CASTOR2: variants seen among roughly 807,000 people sequenced by gnomAD.
CASTOR2 encodes the protein cytosolic arginine sensor for mTORC1 subunit 2, also known as GATS protein like 2.
In CASTOR2, 8 loss-of-function variants were observed where a neutral mutation model predicts 31.2. That is an observed-to-expected ratio of 0.26 (90% CI 0.15 to 0.46). The LOEUF is 0.46. Among genes scored for constraint, CASTOR2 ranks in the 20% least tolerant of loss-of-function variants. CASTOR2 has a pLI of 0.99. For missense variants in CASTOR2, 216 were observed against 382.1 expected (o/e 0.57, Z 3.62); for synonymous variants, 162 against 158.7 (o/e 1.02, Z -0.16).
Position 75,027,786 on chromosome 7 carries a change from T to C in CASTOR2, c.*3087T>C. On this transcript the variant is annotated 3_prime_UTR_variant, in exon 9 of 9. Transcript: ENST00000616305. ...TGCTCGTGTAAAGCTTGGTTTATCTTCTCGGCGTTCTGTGTGTAGCGTAGT... is the reference window on the plus strand; with the variant it reads ...TGCTCGTGTAAAGCTTGGTTTATCTCCTCGGCGTTCTGTGTGTAGCGTAGT... The C allele has an allele frequency of 1.8e-6, 1 of 553,912 alleles. No individual in the cohort carries two copies. 34.3% of individuals were successfully genotyped at this position (553,912 alleles called of 1,614,324 possible).
chr7:74,975,335 T>G (rs1273605936), intron 1 of CASTOR2, among the ~76,000 whole-genome samples: 2 of 150,194 alleles, frequency 1.3e-5, no homozygotes, highest in Non-Finnish European at 3.0e-5. Flanking sequence ...GGTCTCAAAC[T>G]CCTGACCTTA....
At chr7:75,004,185 T>C (rs1295404902) in intron 1 of CASTOR2, among the ~76,000 whole-genome samples, 4 of 152,148 alleles carry the variant, frequency 2.6e-5, no homozygotes, top group Admixed American at 2.6e-4. Context: ...CTTTCTGAGT[T>C]CCTGGGGGTC....
chr7:74,983,209 G>A (rs1445495021), intron 1 of CASTOR2, among the ~76,000 whole-genome samples: 9 of 131,370 alleles, frequency 6.9e-5, no homozygotes, highest in Admixed American at 4.7e-4. Flanking sequence ...ACAGGGTTTC[G>A]CCATGTTGGC....
At chr7:74,977,852 T>G (rs1233096337) in intron 1 of CASTOR2, among the ~76,000 whole-genome samples, 2 of 144,878 alleles carry the variant, frequency 1.4e-5, no homozygotes, top group Admixed American at 6.9e-5. Context: ...ATAATTTTTG[T>G]TTTTTTTGTA....
chr7:75,009,262 CTTTTTTTTTTTT>C (rs1161937896), intron 2 of CASTOR2, among the ~76,000 whole-genome samples: 2 of 60,296 alleles, frequency 3.3e-5, no homozygotes, highest in South Asian at 8.6e-4. Flanking sequence ...GGCCTGAGAA[CTTTTTTTTTTTT>C]TTTTTTTTTT....
chr7:75,018,010 C>T lies in CASTOR2; in HGVS notation c.399C>T (p.Pro133=), dbSNP rs1453082071. ...CCTAGGTGCGCGAGCGGGACCTGCC[C>T]TTTGTCACCCACACATTGTCATCAG... ...DFILVRERDL[P]FVTHTLSSEF... is the part of the protein sequence containing the mutation. The change falls in exon 4 of 9, where the codon CCC becomes CCT. Residue 133 remains proline (P), a synonymous_variant. Transcript: ENST00000616305. The T allele has an allele frequency of 2.5e-6, 4 of 1,614,254 alleles. No homozygotes were observed. Among genetic ancestry groups the T allele is most frequent in the Non-Finnish European group, 3.4e-6 (4 of 1,180,034 alleles).
intron 1 of CASTOR2, among the ~76,000 whole-genome samples, chr7:74,970,396 C>CTGAGT (rs1407762667): frequency 1.2e-4 from 17 of 137,726 alleles, no homozygotes; most frequent in Non-Finnish European, 2.2e-4. Context: ...TGTGGTAACC[C>CTGAGT]TGAGGCTCTG....
intron 2 of CASTOR2, 90 bp downstream of exon 2, chr7:75,008,154 C>T: frequency 1.3e-6 from 2 of 1,501,720 alleles, no homozygotes; most frequent in East Asian, 2.3e-5. Flanking sequence ...CCCCGCCCAC[C>T]TCCTTATTTC....
At position 75,027,186 on chromosome 7, in the gene CASTOR2, C is replaced by T. The variant is rs1173676095; in HGVS notation, c.*2487C>T. ...CGATTATTACAGAAGCCGATGGGTTCCCTCAGACCTGACTTGAGAGAACAA... is the reference window on the plus strand; with the variant it reads ...CGATTATTACAGAAGCCGATGGGTTTCCTCAGACCTGACTTGAGAGAACAA... On this transcript the variant is annotated 3_prime_UTR_variant, in exon 9 of 9. Transcript: ENST00000616305. 37 of 152,182 alleles carry T rather than the reference C, an allele frequency of 2.4e-4. No individual in the cohort carries two copies. The highest frequency in any genetic ancestry group is 2.3e-3 in the Admixed American group (35 of 15,262). The allele number at this position is 152,182 out of a possible 1,614,324, so 9.4% of individuals were successfully genotyped here. A position where few individuals can be genotyped will look rare whatever the true frequency, so the allele number is the denominator to read the frequency against.
chr7:75,018,147 C>T, intron 4 of CASTOR2, 25 bp downstream of exon 4: 1 of 1,611,578 alleles, frequency 6.2e-7, no homozygotes, highest in Non-Finnish European at 8.5e-7. Context: ...GGGGTTTGTG[C>T]AGGGGAAACC....
chr7:75,026,188 G>GTTTTTTTTTTTTTTTTTTTT lies in CASTOR2; in HGVS notation c.*1489_*1490insTTTTTTTTTTTTTTTTTTTT, dbSNP rs1178084776. Reference sequence around the variant, plus strand: ...CCCCTGTGGTTTTGGCTCTGGCGGGGGTTTTTTTTTTTTTTTTTGAGATGG... The same window carrying GTTTTTTTTTTTTTTTTTTTT: ...CCCCTGTGGTTTTGGCTCTGGCGGGGTTTTTTTTTTTTTTTTTTTTGTTTTTTTTTTTTTTTTTGAGATGG... On this transcript the variant is annotated 3_prime_UTR_variant, in exon 9 of 9. Transcript: ENST00000616305. Among the ~76,000 whole-genome samples, 252 of 113,236 alleles carry GTTTTTTTTTTTTTTTTTTTT rather than the reference G, an allele frequency of 2.2e-3. 11 individuals are homozygous for GTTTTTTTTTTTTTTTTTTTT. The highest frequency in any genetic ancestry group is 5.1e-3 in the South Asian group (18 of 3,546). 74.3% of individuals were successfully genotyped at this position (113,236 alleles called of 152,430 possible).
chr7:75,004,197 C>T (rs1321486615), intron 1 of CASTOR2, among the ~76,000 whole-genome samples: 1 of 152,096 alleles, frequency 6.6e-6, no homozygotes, highest in African/African-American at 2.4e-5. Context: ...CTGGGGGTCC[C>T]TAGGAAGGGT....
chr7:75,016,788 T>TCTG (rs1342039464), intron 2 of CASTOR2, among the ~76,000 whole-genome samples: 1 of 152,218 alleles, frequency 6.6e-6, no homozygotes, highest in Admixed American at 6.5e-5. Context: ...TGGCTCCTAC[T>TCTG]CTGCTAAGCT....
chr7:75,023,169 G>T (rs977108948), intron 7 of CASTOR2, among the ~76,000 whole-genome samples: 14 of 151,978 alleles, frequency 9.2e-5, no homozygotes, highest in African/African-American at 3.4e-4. Context: ...TTAGCCGGTC[G>T]TGGTGGCAGG....
At chr7:74,983,784 C>T (rs1289982481) in intron 1 of CASTOR2, among the ~76,000 whole-genome samples, 18 of 149,964 alleles carry the variant, frequency 1.2e-4, no homozygotes, top group African/African-American at 4.4e-4. Flanking sequence ...GCAGGTCACC[C>T]TACCTTTCTT....
chr7:75,018,061 T>A lies in CASTOR2; in HGVS notation c.450T>A (p.Asn150Lys). 2.5e-6 allele frequency: 4 copies of A among 1,614,196 alleles called. No homozygotes were observed. Among genetic ancestry groups the A allele is most frequent in the Non-Finnish European group, 3.4e-6 (4 of 1,180,026 alleles). Residue 150 changes from asparagine (N) to lysine (K), a missense_variant, in exon 4 of 9, where the codon AAT becomes AAA. This residue lies in a region of CASTOR2 where 114 missense variants were observed against 194.2 expected (regional missense o/e 0.59). Transcript: ENST00000616305. The part of the protein sequence containing the change: ...SSEFTILRVV[N>K]GETVAAENLG... Reference sequence around the variant, plus strand: ...AGTTCACCATCCTGCGGGTCGTCAATGGCGAGACCGTGGCAGCCGAGAACC... The same window carrying A: ...AGTTCACCATCCTGCGGGTCGTCAAAGGCGAGACCGTGGCAGCCGAGAACC...
intron 1 of CASTOR2, among the ~76,000 whole-genome samples, chr7:74,988,360 C>T (rs1269287278): frequency 4.6e-5 from 7 of 151,910 alleles, no homozygotes; most frequent in African/African-American, 7.3e-5. Flanking sequence ...TGCAGTGGCG[C>T]GATCTTGGCT....
intron 5 of CASTOR2, among the ~76,000 whole-genome samples, chr7:75,019,439 C>T (rs1420753355): frequency 2.0e-5 from 3 of 152,064 alleles, no homozygotes; most frequent in Non-Finnish European, 4.4e-5. Flanking sequence ...ACAGACCCAC[C>T]CCGGAACTAG....
intron 1 of CASTOR2, among the ~76,000 whole-genome samples, chr7:74,994,197 T>A (rs1452456850): frequency 2.6e-5 from 4 of 152,348 alleles, no homozygotes; most frequent in Admixed American, 6.5e-5. Context: ...ACCCTGGGCC[T>A]CAGCTCTGCC....
Sources: allele counts gnomAD v4.1 joint callset (sites outside exome capture counted in the v4.1 genomes callset), GRCh38; gene constraint gnomAD v4.1.1; regional missense constraint gnomAD v4.1.1; transcripts MANE v1.5; gene names NCBI Gene and HGNC (gene_info 2026-07-23, HGNC 2026-07-21).